THSD7B: variants seen among roughly 807,000 people sequenced by gnomAD.
THSD7B encodes the protein thrombospondin type-1 domain-containing protein 7B.
In THSD7B, 138 loss-of-function variants were observed where a neutral mutation model predicts 213.6. The ratio of observed to expected loss-of-function variants is 0.65; its 90% CI spans 0.56 to 0.74. The LOEUF (loss-of-function observed/expected upper bound fraction) is 0.74. THSD7B is among the 30% of genes least tolerant of loss of function. The pLI, the probability that THSD7B is intolerant of heterozygous loss-of-function variation, is 0.00. For synonymous variants in THSD7B, 742 were observed against 687.0 expected (o/e 1.08, Z -1.25); for missense variants, 1,931 against 1,991.5 (o/e 0.97, Z 0.58).
chr2:137,630,854 T>C (rs906539437), intron 20 of THSD7B, among the ~76,000 whole-genome samples: 2 of 152,122 alleles, frequency 1.3e-5, no homozygotes, highest in African/African-American at 2.4e-5. Flanking sequence ...TACCTGGGAG[T>C]CAAACTTCAG....
intron 1 of THSD7B, among the ~76,000 whole-genome samples, chr2:136,843,395 G>T (rs150417163): frequency 1.6e-4 from 25 of 152,068 alleles, no homozygotes; most frequent in African/African-American, 6.0e-4. Flanking sequence ...AATCGTATTC[G>T]TGAATGTCCA....
chr2:137,288,737 A>G (rs965862229), intron 12 of THSD7B, among the ~76,000 whole-genome samples: 10 of 152,030 alleles, frequency 6.6e-5, no homozygotes, highest in African/African-American at 2.4e-4. Flanking sequence ...CACACAGCAC[A>G]CATACACAGT....
intron 1 of THSD7B, among the ~76,000 whole-genome samples, chr2:136,790,400 A>G (rs779894194): frequency 1.3e-5 from 2 of 152,110 alleles, no homozygotes; most frequent in Non-Finnish European, 2.9e-5. Context: ...TTTCAATTCT[A>G]TAAAAAATCA....
At chr2:136,886,066 G>A (rs1683711152) in intron 2 of THSD7B, among the ~76,000 whole-genome samples, 1 of 152,160 alleles carries the variant, frequency 6.6e-6, no homozygotes, top group South Asian at 2.1e-4. Context: ...CCTTAGGCAG[G>A]AGTGTGGGAG....
intron 25 of THSD7B, among the ~76,000 whole-genome samples, chr2:137,662,073 T>C (rs1321964698): frequency 6.7e-6 from 1 of 148,268 alleles, no homozygotes; most frequent in South Asian, 2.2e-4. Context: ...TTTTTTTTTT[T>C]TTTTTTGAGA....
chr2:137,396,031 G>T (rs1686175356), intron 12 of THSD7B, among the ~76,000 whole-genome samples: 2 of 152,022 alleles, frequency 1.3e-5, no homozygotes, highest in Non-Finnish European at 2.9e-5. Flanking sequence ...ATTTTTTATT[G>T]TGTCTATTTG....
In THSD7B at chr2:137,582,885, T is replaced by A. The variant is rs1460146691; in HGVS notation, c.3423+10329T>A. ...TGGGATGGCTGGGTCAAACTGTATT[T>A]CTAGTTCTAGATCCCTGAGGAATCA... is the stretch of plus-strand genomic sequence containing the variant. On this transcript the variant is annotated intron_variant, in intron 17 of 27. Coordinates refer to ENST00000409968, the MANE Select transcript of THSD7B (RefSeq NM_001316349.2). Among the ~76,000 whole-genome samples, 5 of 152,312 alleles carry A rather than the reference T, an allele frequency of 3.3e-5. No homozygotes were observed. The East Asian group carries it at 9.7e-4, about 29-fold the overall frequency.
intron 1 of THSD7B, among the ~76,000 whole-genome samples, chr2:136,846,714 A>C (rs1273446735): frequency 2.0e-5 from 3 of 152,192 alleles, no homozygotes; most frequent in Non-Finnish European, 4.4e-5. Context: ...TTCAGCAGGA[A>C]TATGACCAGA....
At position 137,657,141 on chromosome 2, in the gene THSD7B, A is replaced by C; in HGVS notation, c.4356A>C (p.Ser1452=). The C allele has an allele frequency of 6.2e-7, 1 of 1,614,048 alleles. No homozygotes were observed. Among genetic ancestry groups the C allele is most frequent in the Non-Finnish European group, 8.5e-7 (1 of 1,179,882 alleles). Residue 1452 remains serine (S), a synonymous_variant, in exon 24 of 28, where the codon TCA becomes TCC. Transcript: ENST00000409968. ...NNERTVWCQR[S]DGVNVTGGCS... Reference sequence around the variant, plus strand: ...AACGAACTGTATGGTGCCAGCGTTCAGATGGCGTTAATGTCACAGGTATTC... The same window carrying C: ...AACGAACTGTATGGTGCCAGCGTTCCGATGGCGTTAATGTCACAGGTATTC...
At chr2:137,150,252 AAAAAAG>A (rs1679789753) in intron 5 of THSD7B, among the ~76,000 whole-genome samples, 2 of 148,376 alleles carry the variant, frequency 1.3e-5, no homozygotes, top group South Asian at 2.1e-4. Flanking sequence ...CAAAAAAAAA[AAAAAAG>A]AAAAAGAAAA....
intron 15 of THSD7B, among the ~76,000 whole-genome samples, chr2:137,535,140 AT>A (rs1216324461): frequency 6.6e-6 from 1 of 151,776 alleles, no homozygotes; most frequent in Non-Finnish European, 1.5e-5. Context: ...TAACCTGTTC[AT>A]TTTTACTCCT....
chr2:137,356,070 G>A (rs1247962201), intron 12 of THSD7B, among the ~76,000 whole-genome samples: 1 of 152,146 alleles, frequency 6.6e-6, no homozygotes, highest in African/African-American at 2.4e-5. Flanking sequence ...TGCTGTGGCA[G>A]TCCTGTATCA....
chr2:136,877,282 T>G (rs1683540300), intron 1 of THSD7B, among the ~76,000 whole-genome samples: 1 of 152,220 alleles, frequency 6.6e-6, no homozygotes, highest in African/African-American at 2.4e-5. Context: ...CCATTTTGCC[T>G]AATTTTTAGC....
chr2:137,530,546 A>T (rs1680377323), intron 15 of THSD7B, among the ~76,000 whole-genome samples: 1 of 152,016 alleles, frequency 6.6e-6, no homozygotes, highest in Non-Finnish European at 1.5e-5. Context: ...CATCAGCCTT[A>T]CTTGGGTAAT....
In THSD7B at chr2:137,231,051, T is replaced by G; in HGVS notation, c.1731T>G (p.Asp577Glu). 2 of 1,613,074 alleles carry G rather than the reference T, an allele frequency of 1.2e-6. No homozygotes were observed. Among genetic ancestry groups the G allele is most frequent in the Non-Finnish European group, 1.7e-6 (2 of 1,179,658 alleles). ...TGATCTTGTTGATTGTAGGAGAAGA[T>G]GTATCAGGGAGTCTTTGCCCAGTTC... ...KAVCQNDRGE[D>E]VSGSLCPVPP... The change falls in exon 8 of 28, where the codon GAT (aspartate) becomes GAG (glutamate). Residue 577 changes from aspartate (D) to glutamate (E), a missense_variant. By Grantham distance (45) the Asp-to-Glu change is conservative. Coordinates refer to ENST00000409968, the MANE Select transcript of THSD7B (RefSeq NM_001316349.2).
At chr2:137,490,065 C>T (rs1268587317) in intron 15 of THSD7B, among the ~76,000 whole-genome samples, 1 of 152,156 alleles carries the variant, frequency 6.6e-6, no homozygotes, top group Non-Finnish European at 1.5e-5. Flanking sequence ...ACCATATGAT[C>T]AGAGTAATCA....
intron 1 of THSD7B, among the ~76,000 whole-genome samples, chr2:136,821,010 G>C (rs1682555961): frequency 6.6e-6 from 1 of 152,092 alleles, no homozygotes; most frequent in Admixed American, 6.5e-5. Flanking sequence ...ATAATTGCAA[G>C]AATAATATTA....
chr2:137,081,214 G>A (rs1374622272), intron 3 of THSD7B, among the ~76,000 whole-genome samples: 1 of 152,092 alleles, frequency 6.6e-6, no homozygotes, highest in Non-Finnish European at 1.5e-5. Context: ...GGATATAGTA[G>A]TTCGTTTCAA....
intron 1 of THSD7B, among the ~76,000 whole-genome samples, chr2:136,770,592 C>T (rs955233639): frequency 3.3e-5 from 5 of 152,170 alleles, no homozygotes; most frequent in Non-Finnish European, 5.9e-5. Flanking sequence ...GGGTGTCACC[C>T]ACCTGGTATG....
Sources: gnomAD v4.1 joint callset for allele counts (sites outside exome capture counted in the v4.1 genomes callset) on GRCh38, gnomAD v4.1.1 for gene constraint, MANE v1.5 for transcripts, NCBI Gene and HGNC (gene_info 2026-07-23, HGNC 2026-07-21) for gene names.